Variants in CSMD3 observed in about 807,000 individuals in gnomAD.
CSMD3 encodes CUB and sushi domain-containing protein 3.
A neutral mutation model predicts 435.2 loss-of-function variants in CSMD3; 177 were observed. The observed-to-expected ratio is 0.41, with a 90% CI of 0.36 to 0.46. CSMD3 has a LOEUF of 0.46. Among genes scored for constraint, CSMD3 ranks in the 20% least tolerant of loss-of-function variants. The pLI is 0.34. For missense variants in CSMD3, 4,265 were observed against 4,504.6 expected (o/e 0.95, Z 1.52); for synonymous variants, 1,656 against 1,520.5 (o/e 1.09, Z -2.07).
chr8:113,373,087 C>T (rs1308087995), intron 1 of CSMD3, among the ~76,000 whole-genome samples: 2 of 152,056 alleles, frequency 1.3e-5, no homozygotes, highest in South Asian at 2.1e-4. Flanking sequence ...TAATCTTCAA[C>T]GGGATTAGCT....
chr8:112,765,535 C>G (rs1427194773), intron 13 of CSMD3, among the ~76,000 whole-genome samples: 2 of 151,628 alleles, frequency 1.3e-5, no homozygotes, highest in East Asian at 1.9e-4. Flanking sequence ...GAGGTGATTA[C>G]ATCGTTTTCT....
chr8:112,982,711 C>G (rs945573820), intron 6 of CSMD3, among the ~76,000 whole-genome samples: 2 of 149,776 alleles, frequency 1.3e-5, no homozygotes, highest in African/African-American at 2.5e-5. Flanking sequence ...CTTACAGAGG[C>G]CTTATCCCCT....
At chr8:112,300,416 T>C (rs1026399169) in intron 53 of CSMD3, among the ~76,000 whole-genome samples, 11 of 151,736 alleles carry the variant, frequency 7.2e-5, no homozygotes, top group African/African-American at 2.7e-4. Context: ...ATTTTTTATT[T>C]TTTTGAGTTT....
intron 27 of CSMD3, 51 bp from the exon 28 acceptor site, chr8:112,517,276 T>C (rs1191851227): frequency 1.5e-6 from 2 of 1,304,222 alleles, no homozygotes; most frequent in Admixed American, 1.8e-5. Context: ...CCAAAATCAA[T>C]TTCATATATC....
intron 2 of CSMD3, among the ~76,000 whole-genome samples, chr8:113,304,769 T>G (rs1588478752): frequency 1.3e-5 from 1 of 76,304 alleles, no homozygotes; most frequent in Non-Finnish European, 2.4e-5. Context: ...TGTGGTGGGG[T>G]CGGGGGAGGG....
chr8:112,791,328 A>G (rs1257045704), intron 13 of CSMD3, among the ~76,000 whole-genome samples: 5 of 150,558 alleles, frequency 3.3e-5, no homozygotes, highest in African/African-American at 1.2e-4. Flanking sequence ...TGAAAAAAAA[A>G]AAAAAAAAAA....
At chr8:112,537,849 A>G (rs1262633513) in intron 27 of CSMD3, among the ~76,000 whole-genome samples, 2 of 152,062 alleles carry the variant, frequency 1.3e-5, no homozygotes, top group African/African-American at 4.8e-5. Flanking sequence ...AAAAAACTGA[A>G]AAGGAAGTAC....
chr8:113,344,424 T>G (rs1286075874), intron 1 of CSMD3, among the ~76,000 whole-genome samples: 1 of 152,192 alleles, frequency 6.6e-6, no homozygotes, highest in Non-Finnish European at 1.5e-5. Context: ...AAAACATCTA[T>G]TAAGCAGTTG....
chr8:112,351,423 T>G lies in CSMD3; in HGVS notation c.6256-179A>C, dbSNP rs556349477. On this transcript the variant is annotated intron_variant, in intron 39 of 70. Coordinates refer to ENST00000297405, the MANE Select transcript of CSMD3 (RefSeq NM_198123.2). ...TAAGAAAGGTGATTATATACACCTA[T>G]GATAAAATGTAAGAAATAGCTACAT... is the stretch of plus-strand genomic sequence containing the variant. 4.0e-3 allele frequency among the ~76,000 whole-genome samples: 612 copies of G among 152,120 alleles called. 1 individual carries two copies. The highest frequency in any genetic ancestry group is 7.9e-3 in the South Asian group (38 of 4,830).
rs2130632342 is a variant in CSMD3, at chr8:112,921,736, C to T, written c.1524G>A (p.Val508=). 2 of 1,608,928 alleles carry T rather than the reference C, an allele frequency of 1.2e-6. No homozygotes were observed. The highest frequency in any genetic ancestry group is 1.7e-6 in the Non-Finnish European group (2 of 1,175,656). The part of the protein sequence containing the change: ...IGSDFSLGST[V]QFSCDEDYVL... ...CATAATCTTCATCACAAGAGAACTG[C>T]ACAGTTGATCCAAGGCTAAAGTTAA... is the stretch of plus-strand genomic sequence containing the variant. Residue 508 remains valine (V), a synonymous_variant, in exon 10 of 71, where the codon GTG becomes GTA. Coordinates refer to ENST00000297405, the MANE Select transcript of CSMD3 (RefSeq NM_198123.2).
intron 1 of CSMD3, among the ~76,000 whole-genome samples, chr8:113,432,553 C>A (rs1476626555): frequency 6.6e-6 from 1 of 152,204 alleles, no homozygotes; most frequent in Non-Finnish European, 1.5e-5. Flanking sequence ...TCTAACTAAG[C>A]CCTTGCAGCA....
chr8:113,107,505 T>C (rs897181021), intron 4 of CSMD3, among the ~76,000 whole-genome samples: 2 of 152,172 alleles, frequency 1.3e-5, no homozygotes, highest in African/African-American at 2.4e-5. Context: ...TGTACTGTAG[T>C]TGACCCTGCA....
chr8:112,475,485 ATTTATAG>A, intron 31 of CSMD3, among the ~76,000 whole-genome samples: 1 of 152,242 alleles, frequency 6.6e-6, no homozygotes, highest in Non-Finnish European at 1.5e-5. Context: ...GCGTGGCCTA[ATTTATAG>A]TCAATAACAC....
At chr8:113,255,153 A>C (rs1195729249) in intron 3 of CSMD3, among the ~76,000 whole-genome samples, 2 of 152,148 alleles carry the variant, frequency 1.3e-5, no homozygotes, top group Non-Finnish European at 2.9e-5. Context: ...TCCAAATAAT[A>C]AACAATAATA....
chr8:113,246,656 G>C (rs932768790), intron 3 of CSMD3, among the ~76,000 whole-genome samples: 53 of 152,066 alleles, frequency 3.5e-4, no homozygotes, highest in Non-Finnish European at 8.8e-5. Context: ...TTGCAGTTGA[G>C]AACTAGGTAA....
At chr8:112,448,755 TAAAAAA>T (rs199998820) in intron 32 of CSMD3, among the ~76,000 whole-genome samples, 2 of 127,202 alleles carry the variant, frequency 1.6e-5, no homozygotes, top group African/African-American at 3.2e-5. Flanking sequence ...TACAATCTAT[TAAAAAA>T]AAAAAAAAAA....
chr8:112,396,441 G>A (rs556860638), intron 35 of CSMD3, among the ~76,000 whole-genome samples: 10 of 152,248 alleles, frequency 6.6e-5, no homozygotes, highest in East Asian at 1.9e-4. Flanking sequence ...TTTTGCTTGT[G>A]TTTTACCAAC....
chr8:113,350,575 C>G (rs1355078407), intron 1 of CSMD3, among the ~76,000 whole-genome samples: 1 of 152,062 alleles, frequency 6.6e-6, no homozygotes, highest in Non-Finnish European at 1.5e-5. Flanking sequence ...CCCTTCTTTT[C>G]AACCTCCCTA....
At chr8:113,181,130 C>G (rs1294043087) in intron 3 of CSMD3, among the ~76,000 whole-genome samples, 1 of 151,838 alleles carries the variant, frequency 6.6e-6, no homozygotes, top group Non-Finnish European at 1.5e-5. Flanking sequence ...ACTGTCTTAG[C>G]TGGGCTGCCT....
Sources: gnomAD v4.1 joint callset for allele counts (sites outside exome capture counted in the v4.1 genomes callset) on GRCh38, gnomAD v4.1.1 for gene constraint, MANE v1.5 for transcripts, NCBI Gene and HGNC (gene_info 2026-07-23, HGNC 2026-07-21) for gene names.